Variants in LRRC37A2 observed in about 807,000 individuals in gnomAD.
LRRC37A2 encodes the protein leucine-rich repeat-containing protein 37A2.
A neutral mutation model predicts 68.8 loss-of-function variants in LRRC37A2; 9 were observed. The ratio of observed to expected loss-of-function variants is 0.13; its 90% CI spans 0.08 to 0.23. The LOEUF is 0.23. Ranked by LOEUF, LRRC37A2 falls within the 10% of genes least tolerant of loss-of-function variation. LRRC37A2 has a pLI of 1.00. For missense variants in LRRC37A2, 168 were observed against 950.4 expected, an observed-to-expected ratio of 0.18 and a Z score of 10.82; for synonymous variants, 63 against 367.6, an observed-to-expected ratio of 0.17 and a Z score of 9.48.
the LRRC37A2 span, among the ~76,000 whole-genome samples, chr17:46,873,768 G>A: frequency 6.6e-6 from 1 of 150,676 alleles, no homozygotes; most frequent in Admixed American, 6.6e-5. Flanking sequence ...AGCACTTTGA[G>A]AGGCCGAGGT....
At chr17:46,771,979 C>T in the LRRC37A2 span, among the ~76,000 whole-genome samples, 1 of 150,438 alleles carries the variant, frequency 6.6e-6, no homozygotes, top group Non-Finnish European at 1.5e-5. Flanking sequence ...CCCGCCGCCC[C>T]CAGACTCGCG....
the LRRC37A2 span, among the ~76,000 whole-genome samples, chr17:46,497,105 G>T: frequency 7.6e-6 from 1 of 131,996 alleles, no homozygotes; most frequent in East Asian, 2.1e-4. Context: ...TGTTGCCCAG[G>T]CTGGTCTTGA....
At chr17:46,891,960 C>G in the LRRC37A2 span, among the ~76,000 whole-genome samples, 158 of 144,888 alleles carry the variant, frequency 1.1e-3, 2 homozygotes, top group East Asian at 0.029. Context: ...TGCCCTGTCA[C>G]CCAGCCTGGA....
At chr17:46,731,655 TTATC>T in the LRRC37A2 span, among the ~76,000 whole-genome samples, 1 of 152,008 alleles carries the variant, frequency 6.6e-6, no homozygotes, top group African/African-American at 2.4e-5. Flanking sequence ...TGGAGTGAAT[TTATC>T]TAAGGACTGA....
chr17:46,935,491 A>C, the LRRC37A2 span: 5 of 1,349,562 alleles, frequency 3.7e-6, no homozygotes, highest in African/African-American at 5.9e-5. Flanking sequence ...GTGTTACAGA[A>C]TCTACTCTTG....
chr17:46,895,358 G>A, the LRRC37A2 span, among the ~76,000 whole-genome samples: 1 of 152,250 alleles, frequency 6.6e-6, no homozygotes, highest in Non-Finnish European at 1.5e-5. Flanking sequence ...GCAGGCTCAG[G>A]AGCTGGGCTG....
the LRRC37A2 span, among the ~76,000 whole-genome samples, chr17:46,740,172 G>A: frequency 6.6e-6 from 1 of 152,138 alleles, no homozygotes; most frequent in African/African-American, 2.4e-5. Flanking sequence ...CTGTGCTCTG[G>A]ATAGTTGAAA....
the LRRC37A2 span, among the ~76,000 whole-genome samples, chr17:46,787,478 G>A: frequency 6.6e-6 from 1 of 152,208 alleles, no homozygotes; most frequent in Non-Finnish European, 1.5e-5. Flanking sequence ...GAAGCGATGT[G>A]CCTTCCCTGC....
chr17:47,018,906 A>G, the LRRC37A2 span: 1 of 1,518,840 alleles, frequency 6.6e-7, no homozygotes, highest in Non-Finnish European at 9.1e-7. Flanking sequence ...GGAGACCCCA[A>G]CTCAGCCTCC....
chr17:46,808,775 G>A, the LRRC37A2 span, among the ~76,000 whole-genome samples: 1 of 152,048 alleles, frequency 6.6e-6, no homozygotes, highest in African/African-American at 2.4e-5. Flanking sequence ...TACACAAATA[G>A]GAAACGTTTA....
At chr17:46,978,863 C>T in the LRRC37A2 span, 8 of 1,578,216 alleles carry the variant, frequency 5.1e-6, no homozygotes, top group Non-Finnish European at 6.9e-6. Context: ...GGGACCCCGT[C>T]GCTGGCGGCC....
At chr17:46,844,809 CCCTT>C in the LRRC37A2 span, among the ~76,000 whole-genome samples, 28,799 of 150,660 alleles carry the variant, frequency 0.19, 3,386 homozygotes, top group East Asian at 0.5. Flanking sequence ...CTCCCTCCTT[CCCTT>C]CCTTCCTTCC....
At chr17:47,011,121 C>T in the LRRC37A2 span, among the ~76,000 whole-genome samples, 1 of 152,150 alleles carries the variant, frequency 6.6e-6, no homozygotes. Flanking sequence ...AACCGGAAGC[C>T]GCCTGACACT....
the LRRC37A2 span, among the ~76,000 whole-genome samples, chr17:46,904,102 G>T: frequency 6.6e-6 from 1 of 151,718 alleles, no homozygotes; most frequent in Non-Finnish European, 1.5e-5. Context: ...TGGCTAGATG[G>T]CTGGATGGAT....
the LRRC37A2 span, among the ~76,000 whole-genome samples, chr17:46,626,061 A>G: frequency 1.4e-5 from 2 of 146,452 alleles, no homozygotes; most frequent in East Asian, 2.1e-4. Flanking sequence ...TAAAACAGTA[A>G]ATATTGATAT....
At chr17:46,882,116 A>G in the LRRC37A2 span, among the ~76,000 whole-genome samples, 1 of 152,172 alleles carries the variant, frequency 6.6e-6, no homozygotes, top group Non-Finnish European at 1.5e-5. Flanking sequence ...TGATTGCACC[A>G]CTGCCTTCCA....
the LRRC37A2 span, among the ~76,000 whole-genome samples, chr17:46,868,752 C>T: frequency 5.3e-5 from 8 of 152,292 alleles, no homozygotes; most frequent in African/African-American, 1.9e-4. Flanking sequence ...CAGAGGGACC[C>T]AGTGAGTGGT....
the LRRC37A2 span, among the ~76,000 whole-genome samples, chr17:46,725,232 ACAT>A: frequency 1.3e-5 from 2 of 152,220 alleles, no homozygotes; most frequent in African/African-American, 4.8e-5. Context: ...TACAGAGCAG[ACAT>A]CATTACTGAA....
chr17:46,541,169 T>A (rs1428778368), intron 8 of LRRC37A2, among the ~76,000 whole-genome samples: 1 of 142,802 alleles, frequency 7.0e-6, no homozygotes, highest in African/African-American at 2.8e-5. Flanking sequence ...TCTGTTCCTA[T>A]ACTTTTGCCT....
Sources: gnomAD v4.1 joint callset for allele counts (sites outside exome capture counted in the v4.1 genomes callset) on GRCh38, gnomAD v4.1.1 for gene constraint, MANE v1.5 for transcripts, NCBI Gene and HGNC (gene_info 2026-07-23, HGNC 2026-07-21) for gene names.